The following HS3ST4 variants were observed in gnomAD, a reference collection of about 807,000 sequenced individuals.
HS3ST4 encodes heparan sulfate-glucosamine 3-sulfotransferase 4.
HS3ST4 carries 17 observed loss-of-function variants against 29.2 expected under a neutral mutation model. The observed-to-expected ratio is 0.58, with a 90% CI of 0.40 to 0.87. The LOEUF is 0.87. HS3ST4 is among the 40% of genes least tolerant of loss of function. HS3ST4 has a pLI of 0.00. For missense variants in HS3ST4, 627 were observed against 634.5 expected (o/e 0.99, Z 0.13); for synonymous variants, 314 against 285.7 (o/e 1.10, Z -1.00).
intron 1 of HS3ST4, among the ~76,000 whole-genome samples, chr16:25,765,628 G>A (rs1310923799): frequency 6.6e-6 from 1 of 152,120 alleles, no homozygotes. Context: ...GCCCTGCCTG[G>A]GCTCCTGGCT....
chr16:25,962,813 T>C (rs1968807874), intron 1 of HS3ST4, among the ~76,000 whole-genome samples: 1 of 152,202 alleles, frequency 6.6e-6, no homozygotes, highest in African/African-American at 2.4e-5. Flanking sequence ...GGAGGTGTCA[T>C]TTGCAAGCAC....
intron 1 of HS3ST4, among the ~76,000 whole-genome samples, chr16:25,873,692 C>T (rs1441945654): frequency 6.6e-6 from 1 of 151,096 alleles, no homozygotes; most frequent in Non-Finnish European, 1.5e-5. Flanking sequence ...ATCCATCCAT[C>T]CATCCATCCA....
chr16:25,855,118 T>C (rs189234245), intron 1 of HS3ST4, among the ~76,000 whole-genome samples: 1 of 152,314 alleles, frequency 6.6e-6, no homozygotes, highest in East Asian at 1.9e-4. Context: ...TAGGAGGATT[T>C]CAAACGTTTT....
intron 1 of HS3ST4, among the ~76,000 whole-genome samples, chr16:26,129,080 G>A (rs1013369466): frequency 1.3e-5 from 2 of 152,138 alleles, no homozygotes; most frequent in South Asian, 2.1e-4. Context: ...TATCTAATCC[G>A]GGTGATTGCT....
intron 1 of HS3ST4, chr16:26,025,203 T>C (rs940293213): frequency 6.5e-6 from 1 of 154,406 alleles, no homozygotes; most frequent in Non-Finnish European, 1.5e-5. Flanking sequence ...GAAAGGACTG[T>C]AACATCACCT....
intron 1 of HS3ST4, among the ~76,000 whole-genome samples, chr16:25,737,264 T>C (rs12920911): frequency 0.56 from 85,117 of 151,996 alleles, 24,243 homozygotes; most frequent in Non-Finnish European, 0.61. Context: ...GATGACCGTA[T>C]GTCATGACTA....
chr16:25,867,326 C>A (rs747644641), intron 1 of HS3ST4, among the ~76,000 whole-genome samples: 4 of 152,048 alleles, frequency 2.6e-5, no homozygotes, highest in Admixed American at 6.6e-5. Context: ...GTTAAAACCC[C>A]GCTGATAGGA....
At chr16:26,065,576 A>G (rs2141773320) in intron 1 of HS3ST4, among the ~76,000 whole-genome samples, 1 of 152,288 alleles carries the variant, frequency 6.6e-6, no homozygotes, top group African/African-American at 2.4e-5. Context: ...CCTGCATAAC[A>G]CATGTTTACC....
intron 1 of HS3ST4, among the ~76,000 whole-genome samples, chr16:25,857,927 T>C (rs12935843): frequency 0.045 from 2,189 of 48,322 alleles, 41 homozygotes; most frequent in African/African-American, 0.055. Flanking sequence ...TTCCTTTCTT[T>C]CTTTCTTTCT....
intron 1 of HS3ST4, among the ~76,000 whole-genome samples, chr16:25,941,743 A>AT (rs1295696857): frequency 6.6e-6 from 1 of 151,706 alleles, no homozygotes; most frequent in Non-Finnish European, 1.5e-5. Context: ...CACCCAGCTA[A>AT]TTTTTTGTAT....
chr16:25,715,108 G>A (rs1384379470), intron 1 of HS3ST4, among the ~76,000 whole-genome samples: 1 of 151,814 alleles, frequency 6.6e-6, no homozygotes, highest in African/African-American at 2.4e-5. Context: ...GGATCACGAG[G>A]TCAGGAGATC....
intron 1 of HS3ST4, among the ~76,000 whole-genome samples, chr16:25,866,514 A>G (rs1252972718): frequency 6.6e-6 from 1 of 152,204 alleles, no homozygotes; most frequent in Non-Finnish European, 1.5e-5. Flanking sequence ...AGGGACATGG[A>G]TGAAGCTGGA....
At position 25,939,099 on chromosome 16, in the gene HS3ST4, A is replaced by T. The variant is rs114893629; in HGVS notation, c.735-196513A>T. ...AACCACTATTAATTGTTTGGCTGGT[A>T]GTTCCTGCATGCAGAGACCAGAAAC... is the stretch of plus-strand genomic sequence containing the variant. On this transcript the variant is annotated intron_variant, in intron 1 of 1. Coordinates refer to ENST00000331351, the MANE Select transcript of HS3ST4 (RefSeq NM_006040.3). 2.1e-3 allele frequency among the ~76,000 whole-genome samples: 320 copies of T among 152,170 alleles called. 1 individual carries two copies. Among genetic ancestry groups the T allele is most frequent in the African/African-American group, 7.5e-3 (313 of 41,530 alleles).
chr16:26,011,338 T>A (rs1969308721), intron 1 of HS3ST4, among the ~76,000 whole-genome samples: 1 of 151,700 alleles, frequency 6.6e-6, no homozygotes, highest in African/African-American at 2.4e-5. Flanking sequence ...GGCAGGCAGA[T>A]CACCTGAGGT....
At chr16:26,031,274 G>A (rs974719801) in intron 1 of HS3ST4, among the ~76,000 whole-genome samples, 3 of 152,114 alleles carry the variant, frequency 2.0e-5, no homozygotes, top group Non-Finnish European at 2.9e-5. Flanking sequence ...TCCCCGCCCC[G>A]GGAAGAACCA....
intron 1 of HS3ST4, among the ~76,000 whole-genome samples, chr16:26,054,269 G>GGAGAGAGAGAGAGA (rs58364733): frequency 5.5e-4 from 74 of 133,728 alleles, no homozygotes; most frequent in African/African-American, 1.9e-3. Flanking sequence ...ACAGAGAGAG[G>GGAGAGAGAGAGAGA]GAGAGAGAGA....
At chr16:25,822,494 G>T (rs1458489887) in intron 1 of HS3ST4, among the ~76,000 whole-genome samples, 1 of 152,134 alleles carries the variant, frequency 6.6e-6, no homozygotes, top group African/African-American at 2.4e-5. Context: ...TCTCTTGGGA[G>T]TAGGAATGGT....
rs116236841 is a variant in HS3ST4 at position 25,728,034 on chromosome 16, C to G, written c.734+34883C>G. Among the ~76,000 whole-genome samples, 1,347 of 152,274 alleles carry G rather than the reference C, an allele frequency of 8.8e-3. 23 individuals are homozygous for G. Among genetic ancestry groups the G allele is most frequent in the African/African-American group, 0.031 (1,288 of 41,560 alleles). On this transcript the variant is annotated intron_variant, in intron 1 of 1. Coordinates refer to ENST00000331351, the MANE Select transcript of HS3ST4 (RefSeq NM_006040.3). Reference sequence around the variant, plus strand: ...ATAGATTTTTTGAGACAGAGTCACACTACATCATCCAGGGTAGAGTGCAGT... The same window carrying G: ...ATAGATTTTTTGAGACAGAGTCACAGTACATCATCCAGGGTAGAGTGCAGT...
chr16:25,771,141 C>T (rs1006683423), intron 1 of HS3ST4, among the ~76,000 whole-genome samples: 7 of 152,080 alleles, frequency 4.6e-5, no homozygotes, highest in Admixed American at 2.0e-4. Context: ...CCTTCCCTTG[C>T]CCCCCACACC....
Sources: allele counts gnomAD v4.1 joint callset (sites outside exome capture counted in the v4.1 genomes callset), GRCh38; gene constraint gnomAD v4.1.1; transcripts MANE v1.5; gene names NCBI Gene and HGNC (gene_info 2026-07-23, HGNC 2026-07-21).